ZBTB26: variants seen among roughly 807,000 people sequenced by gnomAD.
ZBTB26 encodes zinc finger and BTB domain containing 26.
Under a neutral mutation model 31.6 loss-of-function variants are expected in ZBTB26, and 12 were observed. The ratio of observed to expected loss-of-function variants is 0.38; its 90% CI spans 0.24 to 0.61. The LOEUF is 0.61. ZBTB26 is among the 20% of genes least tolerant of loss of function. ZBTB26 has a pLI of 0.60. For synonymous variants in ZBTB26, 155 were observed against 182.9 expected (o/e 0.85, Z 1.23); for missense variants, 311 against 521.9 (o/e 0.60, Z 3.94).
rs1278067239 is a variant in ZBTB26 at position 122,918,992 on chromosome 9, G to A, written c.943C>T (p.Arg315Ter). ...ATTCCGGCATGCACACGCATGTGTC[G>A]ATGAAGGTTGCCTTTCTGAGTGAAA... ...KTFTQKGNLH[R>*]HMRVHAGIKP... The change falls in exon 2 of 2, where the codon CGA becomes TGA. Residue 315 changes from arginine to a stop codon, truncating the protein, a stop_gained. Transcript: ENST00000373656. LOFTEE classifies it high-confidence loss of function. 6.2e-7 allele frequency: 1 copy of A among 1,614,190 alleles called. No individual in the cohort carries two copies.
intron 1 of ZBTB26, among the ~76,000 whole-genome samples, chr9:122,923,603 C>G (rs879728234): frequency 1.3e-5 from 2 of 152,176 alleles, no homozygotes; most frequent in Admixed American, 6.5e-5. Context: ...AGTGGCCAAA[C>G]AAAAGTGGCA....
At position 122,918,866 on chromosome 9, in the gene ZBTB26, T is replaced by C; in HGVS notation, c.1069A>G (p.Asn357Asp). 6.2e-7 allele frequency: 1 copy of C among 1,614,226 alleles called. No homozygotes were observed. The highest frequency in any genetic ancestry group is 8.5e-7 in the Non-Finnish European group (1 of 1,180,036). The stretch of plus-strand genomic sequence containing the variant: ...TGTGCAAAAACCATATCACAATAGT[T>C]ACATTTATGGGGCTTATCTCCACTG... ...LHSGDKPHKC[N>D]YCDMVFAHKP... Residue 357 changes from asparagine to aspartate, a missense_variant, in exon 2 of 2, where the codon AAC becomes GAC. Around this residue, in one of 5 missense-constraint regions of ZBTB26, gnomAD observed 25 missense variants for 93.0 expected, o/e 0.27. Transcript: ENST00000373656.
In ZBTB26 at chr9:122,916,813, CAT is replaced by C. The variant is rs1301079561; in HGVS notation, c.*1794_*1795del. 6.6e-6 allele frequency: 1 copy of C among 152,196 alleles called. No homozygotes were observed. The highest frequency in any genetic ancestry group is 6.5e-5 in the Admixed American group (1 of 15,278). The allele number at this position is 152,196 out of a possible 1,614,324, so 9.4% of individuals were successfully genotyped here. A position where few individuals can be genotyped will look rare whatever the true frequency, so the allele number is the denominator to read the frequency against. Reference sequence around the variant, plus strand: ...ATCTGACTCACATGATGATAATTTACATATGATAACAATGATACATGTAAACG... The same window carrying C: ...ATCTGACTCACATGATGATAATTTACATGATAACAATGATACATGTAAACG... On this transcript the variant is annotated 3_prime_UTR_variant, in exon 2 of 2. Transcript: ENST00000373656.
At chr9:122,924,280 C>T (rs1325292520) in intron 1 of ZBTB26, among the ~76,000 whole-genome samples, 2 of 152,294 alleles carry the variant, frequency 1.3e-5, no homozygotes. Flanking sequence ...GGATGTTTTC[C>T]CTAGGATGTG....
chr9:122,920,453 A>C (rs909217348), intron 1 of ZBTB26, among the ~76,000 whole-genome samples: 1 of 152,240 alleles, frequency 6.6e-6, no homozygotes, highest in Non-Finnish European at 1.5e-5. Flanking sequence ...CTGGTCTCTG[A>C]AGAAGAGAGA....
rs979929388 is a variant in ZBTB26, at chr9:122,917,671, G to C, written c.*938C>G. ...ATTCAGAGACTTTTATGGTGCACAGGACAAAACTCTGATGGCCAAACTCAC... is the reference window on the plus strand; with the variant it reads ...ATTCAGAGACTTTTATGGTGCACAGCACAAAACTCTGATGGCCAAACTCAC... On this transcript the variant is annotated 3_prime_UTR_variant, in exon 2 of 2. Coordinates refer to ENST00000373656, the MANE Select transcript of ZBTB26 (RefSeq NM_020924.4). 4 of 152,104 alleles carry C rather than the reference G, an allele frequency of 2.6e-5. No homozygotes were observed. Among genetic ancestry groups the C allele is most frequent in the Non-Finnish European group, 5.9e-5 (4 of 68,024 alleles). The allele number at this position is 152,104 out of a possible 1,614,324, so 9.4% of individuals were successfully genotyped here.
chr9:122,926,601 C>A (rs1833185722), intron 1 of ZBTB26, among the ~76,000 whole-genome samples: 1 of 151,822 alleles, frequency 6.6e-6, no homozygotes, highest in Non-Finnish European at 1.5e-5. Context: ...TTGAGCTGCA[C>A]ACTTATGACT....
At chr9:122,928,325 A>C (rs986913640) in intron 1 of ZBTB26, among the ~76,000 whole-genome samples, 1 of 148,284 alleles carries the variant, frequency 6.7e-6, no homozygotes, top group Non-Finnish European at 1.5e-5. Flanking sequence ...TTTTGAGACC[A>C]AGTCTCGCTC....
Position 122,918,424 on chromosome 9 carries a change from G to A in ZBTB26, c.*185C>T, listed in dbSNP as rs1199426508. Reference sequence around the variant, plus strand: ...ATAAATAACTCAAAACAGAAAATGGGAGAGGGCAAAAGTAAGGCAAATCCA... The same window carrying A: ...ATAAATAACTCAAAACAGAAAATGGAAGAGGGCAAAAGTAAGGCAAATCCA... On this transcript the variant is annotated 3_prime_UTR_variant, in exon 2 of 2. Transcript: ENST00000373656. 2.3e-5 allele frequency: 17 copies of A among 751,228 alleles called. No homozygotes were observed. The highest frequency in any genetic ancestry group is 4.3e-5 in the South Asian group (2 of 45,992). The allele number at this position is 751,228 out of a possible 1,614,324, so 46.5% of individuals were successfully genotyped here. A position where few individuals can be genotyped will look rare whatever the true frequency, so the allele number is the denominator to read the frequency against.
intron 1 of ZBTB26, among the ~76,000 whole-genome samples, chr9:122,929,468 G>A (rs1468747): frequency 0.98 from 148,805 of 152,284 alleles, 72,802 homozygotes; most frequent in East Asian, 1. Flanking sequence ...CTCTGGAGCC[G>A]TATTTCCTAG....
At chr9:122,923,870 T>C (rs1304622921) in intron 1 of ZBTB26, among the ~76,000 whole-genome samples, 1 of 152,222 alleles carries the variant, frequency 6.6e-6, no homozygotes, top group Admixed American at 6.5e-5. Flanking sequence ...GATGGTCCCA[T>C]AGAATATAAT....
chr9:122,922,915 G>T (rs1354026146), intron 1 of ZBTB26, among the ~76,000 whole-genome samples: 1 of 152,110 alleles, frequency 6.6e-6, no homozygotes, highest in Non-Finnish European at 1.5e-5. Flanking sequence ...GACCGGCCAG[G>T]CACAGTGGCT....
Position 122,919,587 on chromosome 9 carries a change from T to A in ZBTB26, c.348A>T (p.Val116=), listed in dbSNP as rs186856787. ...TCCACAGGGCCTGTGTGCACCGTTC[T>A]ACAATGTGGCTCATCTGAAGAAAAC... ...AASFLQMSHI[V]ERCTQALWKF... The change falls in exon 2 of 2, where the codon GTA becomes GTT. Residue 116 remains valine (V), a synonymous_variant. Coordinates refer to ENST00000373656, the MANE Select transcript of ZBTB26 (RefSeq NM_020924.4). This position sits in a 1 kb window ranked among gnomAD's most constrained non-coding sequence, Gnocchi z 6.1. The A allele has an allele frequency of 1.2e-6, 2 of 1,614,236 alleles. No homozygotes were observed. The highest frequency in any genetic ancestry group is 1.7e-6 in the Non-Finnish European group (2 of 1,180,028).
At chr9:122,925,953 T>G (rs1279756760) in intron 1 of ZBTB26, among the ~76,000 whole-genome samples, 1 of 151,410 alleles carries the variant, frequency 6.6e-6, no homozygotes, top group Non-Finnish European at 1.5e-5. Flanking sequence ...AGAGACGGGG[T>G]TTCTTCATGT....
Position 122,919,100 on chromosome 9 carries a change from T to A in ZBTB26, c.835A>T (p.Thr279Ser), listed in dbSNP as rs773360357. The change falls in exon 2 of 2, where the codon ACC becomes TCC. Residue 279 changes from threonine to serine, a missense_variant. Physicochemically the swap from Thr to Ser is moderately conservative, Grantham distance 58. Coordinates refer to ENST00000373656, the MANE Select transcript of ZBTB26 (RefSeq NM_020924.4). This position sits in a 1 kb window ranked among gnomAD's most constrained non-coding sequence, Gnocchi z 6.1. The part of the protein sequence containing the change: ...LQWHHQCPKC[T>S]RVFRHLENYA... ...TTCTCCAGGTGACGAAACACCCTGG[T>A]ACACTTTGGGCACTGGTGATGCCAC... 6.2e-7 allele frequency: 1 copy of A among 1,614,236 alleles called. No individual in the cohort carries two copies. Among genetic ancestry groups the A allele is most frequent in the South Asian group, 1.1e-5 (1 of 91,082 alleles).
intron 1 of ZBTB26, among the ~76,000 whole-genome samples, chr9:122,927,215 T>A (rs1240085346): frequency 6.6e-6 from 1 of 152,232 alleles, no homozygotes; most frequent in African/African-American, 2.4e-5. Flanking sequence ...AACATCAATG[T>A]AATGGGAATA....
intron 1 of ZBTB26, among the ~76,000 whole-genome samples, chr9:122,928,520 C>T (rs1374872007): frequency 6.6e-6 from 1 of 152,132 alleles, no homozygotes; most frequent in Non-Finnish European, 1.5e-5. Context: ...AATTACTTAA[C>T]TATTGAACTG....
intron 1 of ZBTB26, among the ~76,000 whole-genome samples, chr9:122,923,079 G>A (rs1833125947): frequency 6.6e-6 from 1 of 151,424 alleles, no homozygotes; most frequent in Non-Finnish European, 1.5e-5. Flanking sequence ...AGCTACTCGG[G>A]AGGCTGAGGC....
At chr9:122,928,406 T>C (rs920177135) in intron 1 of ZBTB26, among the ~76,000 whole-genome samples, 1 of 152,100 alleles carries the variant, frequency 6.6e-6, no homozygotes, top group Non-Finnish European at 1.5e-5. Context: ...GTTCAAGTGA[T>C]TCTCATGCCT....
Sources: allele counts gnomAD v4.1 joint callset (sites outside exome capture counted in the v4.1 genomes callset), GRCh38; gene constraint gnomAD v4.1.1; regional missense constraint gnomAD v4.1.1; non-coding constraint Gnocchi (gnomAD v3.1); transcripts MANE v1.5; gene names NCBI Gene and HGNC (gene_info 2026-07-23, HGNC 2026-07-21).